ANXA10: variants seen among roughly 807,000 people sequenced by gnomAD.
The protein encoded by ANXA10 is annexin 14.
In ANXA10, 49 loss-of-function variants were observed where a neutral mutation model predicts 53.5. The observed-to-expected ratio is 0.92, with a 90% CI of 0.73 to 1.16. The LOEUF is 1.16. Among genes scored for constraint, ANXA10 ranks in the 50% most tolerant of loss-of-function variants. The pLI, the probability that ANXA10 is intolerant of heterozygous loss-of-function variation, is 0.00. For missense variants in ANXA10, 393 were observed against 394.4 expected, an observed-to-expected ratio of 1.00 and a Z score of 0.03; for synonymous variants, 131 against 128.9, an observed-to-expected ratio of 1.02 and a Z score of -0.11.
At chr4:168,160,708 C>T (rs1277237907) in intron 3 of ANXA10, among the ~76,000 whole-genome samples, 1 of 152,096 alleles carries the variant, frequency 6.6e-6, no homozygotes, top group African/African-American at 2.4e-5. Flanking sequence ...TTGTCCACAA[C>T]CTCACCAACA....
intron 3 of ANXA10, among the ~76,000 whole-genome samples, chr4:168,145,472 C>T (rs1731392061): frequency 1.3e-5 from 2 of 152,164 alleles, no homozygotes; most frequent in Non-Finnish European, 2.9e-5. Context: ...AAAGCTAGTT[C>T]GGCGTATGAC....
chr4:168,145,925 CTT>C (rs35715854), intron 3 of ANXA10, among the ~76,000 whole-genome samples: 17 of 149,214 alleles, frequency 1.1e-4, no homozygotes, highest in East Asian at 9.9e-4. Context: ...TGTTGAGTGG[CTT>C]TTTTTTTTTC....
intron 1 of ANXA10, among the ~76,000 whole-genome samples, chr4:168,104,082 A>T (rs531069319): frequency 3.3e-5 from 5 of 152,060 alleles, no homozygotes; most frequent in African/African-American, 1.2e-4. Context: ...TTTGTCTTTT[A>T]AATTTGCTTA....
intron 1 of ANXA10, among the ~76,000 whole-genome samples, chr4:168,126,838 A>G (rs1311414083): frequency 6.6e-6 from 1 of 152,214 alleles, no homozygotes; most frequent in Non-Finnish European, 1.5e-5. Context: ...GTCTACTTCA[A>G]ATAGACAACT....
chr4:168,160,732 GA>G (rs1050510534), intron 3 of ANXA10, among the ~76,000 whole-genome samples: 15 of 152,024 alleles, frequency 9.9e-5, no homozygotes, highest in African/African-American at 3.6e-4. Context: ...GTGGTTTCTT[GA>G]CTTTTTAGTA....
intron 1 of ANXA10, among the ~76,000 whole-genome samples, chr4:168,115,012 A>T (rs1730869499): frequency 6.6e-6 from 1 of 151,976 alleles, no homozygotes; most frequent in Non-Finnish European, 1.5e-5. Context: ...TCAGCCTCCC[A>T]AGTAGCTGGG....
chr4:168,186,771 T>A (rs961294132), intron 11 of ANXA10, among the ~76,000 whole-genome samples: 1 of 152,148 alleles, frequency 6.6e-6, no homozygotes, highest in Non-Finnish European at 1.5e-5. Flanking sequence ...TGTAAAAGAG[T>A]ATTTTTATTG....
At chr4:168,124,425 T>G (rs780539244) in intron 1 of ANXA10, among the ~76,000 whole-genome samples, 2 of 152,150 alleles carry the variant, frequency 1.3e-5, no homozygotes, top group Non-Finnish European at 1.5e-5. Context: ...AAATAAAATA[T>G]GAAACTATCC....
chr4:168,119,676 T>C (rs1260384141), intron 1 of ANXA10, among the ~76,000 whole-genome samples: 1 of 152,104 alleles, frequency 6.6e-6, no homozygotes, highest in Non-Finnish European at 1.5e-5. Flanking sequence ...CTGCAAACAA[T>C]TGATTAGTTA....
chr4:168,144,190 T>C (rs1178189237), intron 3 of ANXA10, among the ~76,000 whole-genome samples: 1 of 151,988 alleles, frequency 6.6e-6, no homozygotes, highest in East Asian at 1.9e-4. Context: ...CTTTTTTTTT[T>C]CCTTTTCTTT....
rs1356170408 is a variant in ANXA10, at chr4:168,155,140, CT to C, written c.196-7387del. Reference sequence around the variant, plus strand: ...AAACATTATTTATTGTTGGTATCTCCTAAGCCTTTGCCTGATCAAATCCCAC... The same window carrying C: ...AAACATTATTTATTGTTGGTATCTCCAAGCCTTTGCCTGATCAAATCCCAC... On this transcript the variant is annotated intron_variant, in intron 3 of 11. Transcript: ENST00000359299. Among the ~76,000 whole-genome samples the C allele has an allele frequency of 4.6e-5, 7 of 151,356 alleles. No homozygotes were observed. In the East Asian group the frequency reaches 1.4e-3, roughly 29 times the overall value.
chr4:168,177,302 G>T (rs977041939), intron 6 of ANXA10, among the ~76,000 whole-genome samples: 17 of 152,144 alleles, frequency 1.1e-4, no homozygotes, highest in African/African-American at 4.1e-4. Context: ...ACTGCACAAA[G>T]TCTGAGCTTC....
rs749906986 is a variant in ANXA10 at position 168,187,351 on chromosome 4, T to C, written c.907-15T>C. On this transcript the variant is annotated splice_polypyrimidine_tract_variant and intron_variant, in intron 11 of 11. Coordinates refer to ENST00000359299, the MANE Select transcript of ANXA10 (RefSeq NM_007193.5). Reference sequence around the variant, plus strand: ...ATGATATTTTATTTCAAATATATTATATTTTTCTTTTCAGAATTTTGCTTC... The same window carrying C: ...ATGATATTTTATTTCAAATATATTACATTTTTCTTTTCAGAATTTTGCTTC... The C allele has an allele frequency of 2.0e-6, 3 of 1,535,920 alleles. No individual in the cohort carries two copies. Among genetic ancestry groups the C allele is most frequent in the South Asian group, 2.4e-5 (2 of 82,680 alleles).
At chr4:168,140,277 A>G (rs1233084945) in intron 3 of ANXA10, among the ~76,000 whole-genome samples, 6 of 152,232 alleles carry the variant, frequency 3.9e-5, no homozygotes, top group Admixed American at 1.3e-4. Context: ...AGCTTTATCA[A>G]TGAAACATTA....
chr4:168,112,938 G>A (rs539748897), intron 1 of ANXA10, among the ~76,000 whole-genome samples: 5 of 151,952 alleles, frequency 3.3e-5, no homozygotes, highest in Admixed American at 6.6e-5. Context: ...CAGGAGAATC[G>A]CTTTAATTTG....
chr4:168,139,390 A>G, intron 2 of ANXA10, 96 bp from the exon 3 acceptor site: 1 of 890,360 alleles, frequency 1.1e-6, no homozygotes, highest in Non-Finnish European at 1.7e-6. Context: ...ACCATCAGGG[A>G]TAATGCGTGC....
intron 3 of ANXA10, among the ~76,000 whole-genome samples, chr4:168,148,459 CT>C (rs1380855798): frequency 7.2e-5 from 11 of 152,190 alleles, no homozygotes; most frequent in African/African-American, 2.7e-4. Flanking sequence ...GCCACCGTGC[CT>C]GGCCATGACA....
chr4:168,158,352 T>C (rs891463510), intron 3 of ANXA10, among the ~76,000 whole-genome samples: 1 of 152,224 alleles, frequency 6.6e-6, no homozygotes, highest in South Asian at 2.1e-4. Context: ...TTTTGTCAAA[T>C]ATGTGAAGTG....
chr4:168,114,335 G>A (rs992831463), intron 1 of ANXA10, among the ~76,000 whole-genome samples: 2 of 151,812 alleles, frequency 1.3e-5, no homozygotes, highest in Non-Finnish European at 2.9e-5. Context: ...GTGCAGTGGT[G>A]CAGTCTTGGC....
Sources: allele counts gnomAD v4.1 joint callset (sites outside exome capture counted in the v4.1 genomes callset), GRCh38; gene constraint gnomAD v4.1.1; transcripts MANE v1.5; gene names NCBI Gene and HGNC (gene_info 2026-07-23, HGNC 2026-07-21).